Variants in DDX1 observed in about 807,000 individuals in gnomAD.
The protein encoded by DDX1 is ATP-dependent RNA helicase DDX1.
A neutral mutation model predicts 108.7 loss-of-function variants in DDX1; 28 were observed. That is an observed-to-expected ratio of 0.26 (90% CI 0.19 to 0.35). DDX1 has a LOEUF of 0.35. DDX1 is among the 10% of genes least tolerant of loss of function. DDX1 has a pLI of 1.00. For missense variants in DDX1, 710 were observed against 884.5 expected, an observed-to-expected ratio of 0.80 and a Z score of 2.50; for synonymous variants, 295 against 288.9, an observed-to-expected ratio of 1.02 and a Z score of -0.21.
intron 13 of DDX1, among the ~76,000 whole-genome samples, chr2:15,612,347 G>A (rs1281543831): frequency 2.0e-5 from 3 of 151,094 alleles, no homozygotes; most frequent in East Asian, 2.0e-4. Context: ...GGGCAGAGGC[G>A]CCCCCCACAT....
intron 6 of DDX1, among the ~76,000 whole-genome samples, chr2:15,600,121 G>T (rs1004690792): frequency 1.3e-5 from 2 of 152,132 alleles, no homozygotes; most frequent in African/African-American, 2.4e-5. Context: ...ATTTAGCAGT[G>T]GCAAAACTTT....
At chr2:15,618,084 T>C (rs1665929719) in intron 15 of DDX1, 97 bp from the exon 16 acceptor site, 1 of 627,908 alleles carries the variant, frequency 1.6e-6, no homozygotes, top group African/African-American at 1.8e-5. Flanking sequence ...TCCTTATATT[T>C]TGTTTGATTT....
chr2:15,596,724 C>A lies in DDX1; in HGVS notation c.133-10C>A. The A allele has an allele frequency of 6.2e-7, 1 of 1,609,606 alleles. No homozygotes were observed. Among genetic ancestry groups the A allele is most frequent in the Non-Finnish European group, 8.5e-7 (1 of 1,177,086 alleles). ...TAATCTGTAAAATCAACTTTTTTCC[C>A]CTCATTCAGGCTGCAGAAACAGGAA... On this transcript the variant is annotated splice_polypyrimidine_tract_variant and intron_variant, in intron 3 of 25. Transcript: ENST00000233084.
intron 13 of DDX1, among the ~76,000 whole-genome samples, chr2:15,608,212 C>T (rs770059248): frequency 1.3e-5 from 2 of 152,174 alleles, no homozygotes; most frequent in Non-Finnish European, 2.9e-5. Context: ...AACATTCACA[C>T]ACCATAAAAC....
At chr2:15,605,904 G>A (rs1665653183) in intron 10 of DDX1, 46 bp from the exon 11 acceptor site, 1 of 1,303,658 alleles carries the variant, frequency 7.7e-7, no homozygotes. Flanking sequence ...CATGAGGAAG[G>A]TCTTTTCTGA....
Position 15,607,200 on chromosome 2 carries a change from G to A in DDX1, c.843G>A (p.Lys281=), listed in dbSNP as rs756199540. 1.1e-5 allele frequency: 17 copies of A among 1,613,930 alleles called. No individual in the cohort carries two copies. Among genetic ancestry groups the A allele is most frequent in the Non-Finnish European group, 1.4e-5 (17 of 1,179,988 alleles). Residue 281 remains lysine, a synonymous_variant, in exon 13 of 26, where the codon AAG becomes AAA. Coordinates refer to ENST00000233084, the MANE Select transcript of DDX1 (RefSeq NM_004939.3). ...GTAATGCACAGGTGACACAAACAAA[G>A]TTTCTCCCCAATGCTCCGAAAGCTC... ...HSGNAQVTQT[K]FLPNAPKALI...
intron 8 of DDX1, among the ~76,000 whole-genome samples, chr2:15,603,551 A>T (rs953552708): frequency 2.0e-5 from 3 of 152,192 alleles, no homozygotes; most frequent in Non-Finnish European, 4.4e-5. Context: ...TACCATATAG[A>T]TGCTTCATGT....
At position 15,596,911 on chromosome 2, in the gene DDX1, T is replaced by C. The variant is rs545653422; in HGVS notation, c.162+148T>C. 33 of 674,978 alleles carry C rather than the reference T, an allele frequency of 4.9e-5. No homozygotes were observed. The East Asian group carries it at 8.8e-4, about 18-fold the overall frequency. 41.8% of individuals were successfully genotyped at this position (674,978 alleles called of 1,614,324 possible). A position where few individuals can be genotyped will look rare whatever the true frequency, so the allele number is the denominator to read the frequency against. ...CTTGCTACTGAAAATGATATTTTTG[T>C]TGCCAGCTAATTATGAAGAGCTAAA... On this transcript the variant is annotated intron_variant, in intron 4 of 25. Transcript: ENST00000233084.
At chr2:15,608,400 A>G (rs61314003) in intron 13 of DDX1, among the ~76,000 whole-genome samples, 36,422 of 151,642 alleles carry the variant, frequency 0.24, 5,387 homozygotes, top group African/African-American at 0.42. Context: ...CGTGGCAGAG[A>G]CCTGTAATCC....
At chr2:15,615,456 A>C (rs1311456688) in intron 14 of DDX1, among the ~76,000 whole-genome samples, 1 of 152,260 alleles carries the variant, frequency 6.6e-6, no homozygotes, top group Non-Finnish European at 1.5e-5. Flanking sequence ...TGCTGTGTAC[A>C]GCACCTGTCT....
Position 15,604,476 on chromosome 2 carries a change from A to G in DDX1, c.592A>G (p.Ile198Val), listed in dbSNP as rs1055665221. 1 of 1,611,192 alleles carries G rather than the reference A, an allele frequency of 6.2e-7. No individual in the cohort carries two copies. Reference protein sequence around the residue: ...MHDTIGCYLDIDKGHVKFSKN... With the variant: ...MHDTIGCYLDVDKGHVKFSKN... Reference sequence around the variant, plus strand: ...TGATACCATTGGATGTTACCTGGATATAGATAAGGGACATGTCAAGTTCTC... The same window carrying G: ...TGATACCATTGGATGTTACCTGGATGTAGATAAGGGACATGTCAAGTTCTC... The change falls in exon 10 of 26, where the codon ATA (isoleucine) becomes GTA (valine). Residue 198 changes from isoleucine (I) to valine (V), a missense_variant. Ile to Val is a conservative substitution (Grantham distance 29). Transcript: ENST00000233084.
chr2:15,612,622 TGCAATCTCGGCACTTTGGGAG>T (rs887828246), intron 13 of DDX1, among the ~76,000 whole-genome samples: 1 of 151,864 alleles, frequency 6.6e-6, no homozygotes, highest in Non-Finnish European at 1.5e-5. Context: ...GGGCAGAGGC[TGCAATCTCGGCACTTTGGGAG>T]GCCAAGGCAG....
At position 15,630,049 on chromosome 2, in the gene DDX1, A is replaced by G. The variant is rs990384030; in HGVS notation, c.2031A>G (p.Ile677Met). The change falls in exon 25 of 26, where the codon ATA becomes ATG. Residue 677 changes from isoleucine to methionine, a missense_variant. Around this residue, in one of 3 missense-constraint regions of DDX1, gnomAD observed 661 missense variants for 810.2 expected, o/e 0.82. Transcript: ENST00000233084. ...NCTISQVEPD[I>M]KVPVDEFDGK... ...CCATTTCTCAGGTTGAGCCGGATAT[A>G]AAGGTACCAGTGGATGAATTTGATG... is the stretch of plus-strand genomic sequence containing the variant. 1 of 1,613,352 alleles carries G rather than the reference A, an allele frequency of 6.2e-7. No individual in the cohort carries two copies. Among genetic ancestry groups the G allele is most frequent in the Non-Finnish European group, 8.5e-7 (1 of 1,179,424 alleles).
chr2:15,617,162 A>G (rs1263371856), intron 14 of DDX1, 82 bp from the exon 15 acceptor site: 26 of 601,542 alleles, frequency 4.3e-5, no homozygotes. Flanking sequence ...TTTTTATTAA[A>G]AAGACAGTTA....
chr2:15,611,447 C>G (rs1265898425), intron 13 of DDX1, among the ~76,000 whole-genome samples: 1 of 146,176 alleles, frequency 6.8e-6, no homozygotes. Context: ...CTCCTCACCT[C>G]CCAGTAGGGA....
intron 20 of DDX1, 165 bp downstream of exon 20, chr2:15,627,310 G>A: frequency 2.1e-6 from 1 of 480,858 alleles, no homozygotes; most frequent in East Asian, 3.3e-5. Flanking sequence ...AGTCATTGTT[G>A]ACACTCAAAT....
At chr2:15,619,196 C>T (rs1011040800) in intron 16 of DDX1, among the ~76,000 whole-genome samples, 5 of 152,164 alleles carry the variant, frequency 3.3e-5, no homozygotes, top group East Asian at 1.9e-4. Context: ...CTCTGGCAGG[C>T]GACTCGGCCC....
intron 5 of DDX1, among the ~76,000 whole-genome samples, chr2:15,598,835 C>G (rs57349592): frequency 6.6e-6 from 1 of 151,924 alleles, no homozygotes; most frequent in Admixed American, 6.5e-5. Flanking sequence ...AACAAACTAT[C>G]AAGATGTGTC....
At chr2:15,616,430 C>A (rs896412456) in intron 14 of DDX1, among the ~76,000 whole-genome samples, 1 of 152,120 alleles carries the variant, frequency 6.6e-6, no homozygotes, top group Non-Finnish European at 1.5e-5. Context: ...TACTCTGAAA[C>A]CTGTGTGTCT....
Sources: allele counts gnomAD v4.1 joint callset (sites outside exome capture counted in the v4.1 genomes callset), GRCh38; gene constraint gnomAD v4.1.1; regional missense constraint gnomAD v4.1.1; transcripts MANE v1.5; gene names NCBI Gene and HGNC (gene_info 2026-07-23, HGNC 2026-07-21).